The following GAK variants were observed in gnomAD, a reference collection of about 807,000 sequenced individuals.
GAK encodes cyclin G associated kinase.
Under a neutral mutation model 143.9 loss-of-function variants are expected in GAK, and 79 were observed. The observed-to-expected ratio is 0.55, with a 90% CI of 0.46 to 0.66. The LOEUF (loss-of-function observed/expected upper bound fraction) is 0.66, where lower values mean the gene tolerates loss of function less well. Ranked by LOEUF, GAK falls within the 30% of genes least tolerant of loss-of-function variation. The pLI, the probability that GAK is intolerant of heterozygous loss-of-function variation, is 0.00. For missense variants in GAK, 1,693 were observed against 1,779.7 expected (o/e 0.95, Z 0.88); for synonymous variants, 881 against 765.5 (o/e 1.15, Z -2.49).
chr4:920,817 C>T (rs1723817849), intron 1 of GAK, among the ~76,000 whole-genome samples: 2 of 152,158 alleles, frequency 1.3e-5, no homozygotes, highest in South Asian at 4.1e-4. Flanking sequence ...GCTGGGATTA[C>T]AGGTGTGAGC....
chr4:887,782 CACAAT>C (rs1177199142), intron 11 of GAK: 4 of 152,406 alleles, frequency 2.6e-5, no homozygotes, highest in Admixed American at 2.6e-4. Flanking sequence ...CGTGCCTGCA[CACAAT>C]ACGAGCACTC....
At chr4:896,353 T>A in intron 7 of GAK, 107 bp downstream of exon 7, 1 of 779,154 alleles carries the variant, frequency 1.3e-6, no homozygotes, top group Non-Finnish European at 2.3e-6. Flanking sequence ...GAAGAGGGGG[T>A]GGAGGAGGCA....
intron 23 of GAK, among the ~76,000 whole-genome samples, chr4:864,822 C>G (rs1750867771): frequency 6.6e-6 from 1 of 152,240 alleles, no homozygotes; most frequent in African/African-American, 2.4e-5. Context: ...AATCGCATCA[C>G]AGACGCAGAC....
At chr4:895,958 C>T (rs1718686084) in intron 7 of GAK, among the ~76,000 whole-genome samples, 1 of 152,212 alleles carries the variant, frequency 6.6e-6, no homozygotes, top group South Asian at 2.1e-4. Context: ...CGACTCATCC[C>T]TATTAGAAGT....
chr4:892,091 C>G (rs1420736116), intron 9 of GAK, among the ~76,000 whole-genome samples: 1 of 152,148 alleles, frequency 6.6e-6, no homozygotes, highest in Non-Finnish European at 1.5e-5. Flanking sequence ...ACTGCAAACC[C>G]TCCACACAGC....
intron 14 of GAK, 124 bp from the exon 15 acceptor site, chr4:882,164 G>A: frequency 1.8e-6 from 2 of 1,099,478 alleles, no homozygotes; most frequent in Non-Finnish European, 2.6e-6. Flanking sequence ...CTCTGAAGCT[G>A]GGATATGTTT....
chr4:854,907 T>A (rs1748866474), intron 24 of GAK, among the ~76,000 whole-genome samples: 1 of 152,090 alleles, frequency 6.6e-6, no homozygotes, highest in Non-Finnish European at 1.5e-5. Flanking sequence ...TAGCTGGGCG[T>A]GGTGGCGGGT....
chr4:921,921 C>G (rs1408742709), intron 1 of GAK, among the ~76,000 whole-genome samples: 1 of 152,132 alleles, frequency 6.6e-6, no homozygotes, highest in African/African-American at 2.4e-5. Flanking sequence ...AAGAAGCACT[C>G]CCAAGCTATC....
At chr4:851,704 G>C (rs1748168741) in intron 25 of GAK, 46 bp downstream of exon 25, 7 of 1,567,026 alleles carry the variant, frequency 4.5e-6, no homozygotes, top group Non-Finnish European at 6.1e-6. Context: ...AGCCAATTCA[G>C]GGAGGTCTCT....
chr4:898,432 C>T (rs2152884111), intron 5 of GAK, among the ~76,000 whole-genome samples: 1 of 152,356 alleles, frequency 6.6e-6, no homozygotes, highest in South Asian at 2.1e-4. Context: ...AGGGATTTCA[C>T]AGAGTTCAGT....
In GAK at chr4:849,560, G is replaced by C. The variant is rs1747685330; in HGVS notation, c.*113C>G. 1.3e-6 allele frequency: 1 copy of C among 758,286 alleles called. No individual in the cohort carries two copies. The highest frequency in any genetic ancestry group is 2.4e-5 in the Admixed American group (1 of 41,978). The allele number at this position is 758,286 out of a possible 1,614,324, so 47.0% of individuals were successfully genotyped here. A position where few individuals can be genotyped will look rare whatever the true frequency, so the allele number is the denominator to read the frequency against. ...GGCGGGCGGTGACCCGGGGCTCGGA[G>C]CCCCACCCTGGCCACACCTGCTGTC... On this transcript the variant is annotated 3_prime_UTR_variant, in exon 28 of 28. Coordinates refer to ENST00000314167, the MANE Select transcript of GAK (RefSeq NM_005255.4).
In GAK at chr4:926,988, G is replaced by A. The variant is rs1273105763; in HGVS notation, c.145+5055C>T. 9.4e-5 allele frequency among the ~76,000 whole-genome samples: 2 copies of A among 21,182 alleles called. 1 individual carries two copies. Among genetic ancestry groups the A allele is most frequent in the African/African-American group, 4.2e-4 (2 of 4,754 alleles). 13.9% of individuals were successfully genotyped at this position (21,182 alleles called of 152,430 possible). ...GCTCACCTGCGCTCCGCACTGCCCCGCACCCCTCCCGGCTCACCAGCGCTC... is the reference window on the plus strand; with the variant it reads ...GCTCACCTGCGCTCCGCACTGCCCCACACCCCTCCCGGCTCACCAGCGCTC... On this transcript the variant is annotated intron_variant, in intron 1 of 27. Coordinates refer to ENST00000314167, the MANE Select transcript of GAK (RefSeq NM_005255.4).
In GAK at chr4:868,618, T is replaced by C. The variant is rs762288391; in HGVS notation, c.2316A>G (p.Glu772=). 6.3e-7 allele frequency: 1 copy of C among 1,584,904 alleles called. No individual in the cohort carries two copies. Among genetic ancestry groups the C allele is most frequent in the South Asian group, 1.1e-5 (1 of 87,174 alleles). Residue 772 remains glutamate (E), a synonymous_variant, in exon 20 of 28, where the codon GAA becomes GAG. Transcript: ENST00000314167. ...AQYDAGAGSP[E]AEPTDSDSPP... is the part of the protein sequence containing the mutation. ...GTGAGTCAGAGTCTGTGGGTTCGGC[T>C]TCCGGGGACCCTGCCCCAGCATCAT...
chr4:898,321 C>G (rs1000841036), intron 5 of GAK, among the ~76,000 whole-genome samples, 163 bp from the exon 6 acceptor site: 6 of 152,212 alleles, frequency 3.9e-5, no homozygotes, highest in Admixed American at 3.9e-4. Context: ...GCGGACACAG[C>G]CAGCTCTGCA....
chr4:889,241 GA>G (rs967130266), intron 10 of GAK, among the ~76,000 whole-genome samples: 1 of 152,202 alleles, frequency 6.6e-6, no homozygotes, highest in African/African-American at 2.4e-5. Flanking sequence ...AGAGACCCAG[GA>G]AATGGTCAAT....
At chr4:921,631 A>C (rs965408245) in intron 1 of GAK, among the ~76,000 whole-genome samples, 5 of 152,194 alleles carry the variant, frequency 3.3e-5, no homozygotes, top group African/African-American at 1.2e-4. Flanking sequence ...AAAAGGAAAA[A>C]TAAATCAGAC....
intron 24 of GAK, among the ~76,000 whole-genome samples, chr4:854,169 G>A (rs1441723024): frequency 6.6e-6 from 1 of 151,436 alleles, no homozygotes; most frequent in African/African-American, 2.4e-5. Flanking sequence ...CGCAGAGGGG[G>A]ATTTGGCAGG....
rs187872683 is a variant in GAK at position 857,407 on chromosome 4, G to C, written c.3283+2199C>G. ...GAATTGGCATTCTCTTTCAACATTC[G>C]GTGAAATTCTCCAGTGGCCCAGGTG... On this transcript the variant is annotated intron_variant, in intron 24 of 27. Coordinates refer to ENST00000314167, the MANE Select transcript of GAK (RefSeq NM_005255.4). Among the ~76,000 whole-genome samples the C allele has an allele frequency of 1.4e-3, 208 of 152,236 alleles. 2 individuals carry two copies. Among genetic ancestry groups the C allele is most frequent in the Middle Eastern group, 6.8e-3 (2 of 292 alleles).
chr4:922,894 C>T (rs1560444225), intron 1 of GAK, among the ~76,000 whole-genome samples: 1 of 152,230 alleles, frequency 6.6e-6, no homozygotes, highest in Non-Finnish European at 1.5e-5. Context: ...AAACAGGAAA[C>T]AGCCCAGATG....
Sources: allele counts gnomAD v4.1 joint callset (sites outside exome capture counted in the v4.1 genomes callset), GRCh38; gene constraint gnomAD v4.1.1; transcripts MANE v1.5; gene names NCBI Gene and HGNC (gene_info 2026-07-23, HGNC 2026-07-21).